Variants in PGBD5 observed in about 807,000 individuals in gnomAD.
The protein encoded by PGBD5 is piggyBac transposable element-derived protein 5.
In PGBD5, 14 loss-of-function variants were observed where a neutral mutation model predicts 47.9. That is an observed-to-expected ratio of 0.29 (90% CI 0.19 to 0.46). The LOEUF is 0.46. PGBD5 is among the 20% of genes least tolerant of loss of function. PGBD5 has a pLI of 1.00. For synonymous variants in PGBD5, 316 were observed against 306.3 expected (o/e 1.03, Z -0.33); for missense variants, 635 against 716.0 (o/e 0.89, Z 1.29).
At chr1:230,374,789 T>C (rs987958424) in intron 1 of PGBD5, among the ~76,000 whole-genome samples, 3 of 152,196 alleles carry the variant, frequency 2.0e-5, no homozygotes, top group Non-Finnish European at 2.9e-5. Context: ...AGGAAGTTTC[T>C]CTCCCTCCCA....
rs536719177 is a variant in PGBD5, at chr1:230,322,069, G to A, written c.*1356C>T. Reference sequence around the variant, plus strand: ...GGTGGTTACATCAACTGGGTTGAAGGGGGACTGGGTAATCCCAGAAATTCC... The same window carrying A: ...GGTGGTTACATCAACTGGGTTGAAGAGGGACTGGGTAATCCCAGAAATTCC... On this transcript the variant is annotated 3_prime_UTR_variant, in exon 7 of 7. Transcript: ENST00000391860. This position sits in a 1 kb window ranked among gnomAD's most constrained non-coding sequence, Gnocchi z 5.9. 6.0e-4 allele frequency: 92 copies of A among 152,378 alleles called. No homozygotes were observed. The highest frequency in any genetic ancestry group is 2.0e-3 in the African/African-American group (83 of 41,568). 9.4% of individuals were successfully genotyped at this position (152,378 alleles called of 1,614,324 possible).
In PGBD5 at chr1:230,317,210, G is replaced by C. The variant is rs1335010632; in HGVS notation, c.*6215C>G. On this transcript the variant is annotated 3_prime_UTR_variant, in exon 7 of 7. Transcript: ENST00000391860. The stretch of plus-strand genomic sequence containing the variant: ...ACCCTCAAGGGCACAGACCACGTTG[G>C]GGTAACACGTGCCCAGTTCTTAGCA... The C allele has an allele frequency of 6.6e-6, 1 of 152,232 alleles. No homozygotes were observed. Among genetic ancestry groups the C allele is most frequent in the Non-Finnish European group, 1.5e-5 (1 of 68,058 alleles). 9.4% of individuals were successfully genotyped at this position (152,232 alleles called of 1,614,324 possible).
chr1:230,325,023 C>T (rs1214032164), intron 6 of PGBD5, among the ~76,000 whole-genome samples: 2 of 152,128 alleles, frequency 1.3e-5, no homozygotes, highest in Non-Finnish European at 1.5e-5. Context: ...TGCTGAGGGA[C>T]AGTTCAGTTC....
At chr1:230,411,352 G>T (rs1657404347) in intron 1 of PGBD5, among the ~76,000 whole-genome samples, 1 of 152,080 alleles carries the variant, frequency 6.6e-6, no homozygotes, top group Admixed American at 6.5e-5. Flanking sequence ...TTGAGAGCAG[G>T]TATAAAAAAG....
chr1:230,323,312 C>T lies in PGBD5; in HGVS notation c.*113G>A. 1 of 1,282,840 alleles carries T rather than the reference C, an allele frequency of 7.8e-7. No individual in the cohort carries two copies. The highest frequency in any genetic ancestry group is 1.1e-6 in the Non-Finnish European group (1 of 936,314). 79.5% of individuals were successfully genotyped at this position (1,282,840 alleles called of 1,614,324 possible). ...CCTCCAGAGGCCCTGTGCATCCCTC[C>T]CAGGCAGCAAGCCACACACCAGGCC... On this transcript the variant is annotated 3_prime_UTR_variant, in exon 7 of 7. Coordinates refer to ENST00000391860, the MANE Select transcript of PGBD5 (RefSeq NM_001258311.2). The surrounding 1 kb of genome is among the most constrained non-coding windows in gnomAD (Gnocchi z 4.1).
intron 3 of PGBD5, among the ~76,000 whole-genome samples, chr1:230,339,072 C>A (rs550268632): frequency 2.0e-5 from 3 of 152,222 alleles, no homozygotes; most frequent in Non-Finnish European, 4.4e-5. Context: ...GGGCAGGAAG[C>A]CTGTATCTTT....
chr1:230,382,810 T>A (rs1656540821), intron 1 of PGBD5, among the ~76,000 whole-genome samples: 1 of 151,978 alleles, frequency 6.6e-6, no homozygotes, highest in African/African-American at 2.4e-5. Flanking sequence ...TTATATACTG[T>A]CTTGAGGTTA....
chr1:230,396,037 C>T (rs1160110976), intron 1 of PGBD5, among the ~76,000 whole-genome samples: 3 of 144,768 alleles, frequency 2.1e-5, no homozygotes, highest in African/African-American at 7.9e-5. Flanking sequence ...TCCCTTGCTT[C>T]CGTCTTCCCT....
intron 1 of PGBD5, among the ~76,000 whole-genome samples, chr1:230,369,670 G>C (rs1277863282): frequency 6.6e-6 from 1 of 152,050 alleles, no homozygotes; most frequent in African/African-American, 2.4e-5. Flanking sequence ...ATATATCTGG[G>C]GTCAGAGGCA....
rs1261613730 is a variant in PGBD5 at position 230,318,198 on chromosome 1, TTA to T, written c.*5225_*5226del. Reference sequence around the variant, plus strand: ...GGCATGCTTACTCTCTGGTGCTATTTTATGGCAACAGCTCTAAGTGCCACTTT... The same window carrying T: ...GGCATGCTTACTCTCTGGTGCTATTTTGGCAACAGCTCTAAGTGCCACTTT... On this transcript the variant is annotated 3_prime_UTR_variant, in exon 7 of 7. Coordinates refer to ENST00000391860, the MANE Select transcript of PGBD5 (RefSeq NM_001258311.2). 6.6e-6 allele frequency: 1 copy of T among 152,268 alleles called. No homozygotes were observed. Among genetic ancestry groups the T allele is most frequent in the Non-Finnish European group, 1.5e-5 (1 of 68,076 alleles). The allele number at this position is 152,268 out of a possible 1,614,324, so 9.4% of individuals were successfully genotyped here. A position where few individuals can be genotyped will look rare whatever the true frequency, so the allele number is the denominator to read the frequency against.
chr1:230,389,651 G>C (rs540085102), intron 1 of PGBD5, among the ~76,000 whole-genome samples: 1 of 152,270 alleles, frequency 6.6e-6, no homozygotes, highest in South Asian at 2.1e-4. Flanking sequence ...AGTACCCAGA[G>C]AATACAGTTG....
chr1:230,368,182 TG>T (rs1222622663), intron 1 of PGBD5: 1 of 1,352,112 alleles, frequency 7.4e-7, no homozygotes, highest in South Asian at 1.2e-5. Flanking sequence ...AGAGAAGGCT[TG>T]GGGAGATGGA....
chr1:230,393,710 A>G (rs1393777099), intron 1 of PGBD5, among the ~76,000 whole-genome samples: 1 of 151,774 alleles, frequency 6.6e-6, no homozygotes, highest in African/African-American at 2.4e-5. Flanking sequence ...CTGTAGTCCC[A>G]GCTACTCGGG....
rs1405270456 is a variant in PGBD5 at position 230,391,154 on chromosome 1, T to TG, written c.332-33834dup. Among the ~76,000 whole-genome samples, 5 of 89,852 alleles carry TG rather than the reference T, an allele frequency of 5.6e-5. No individual in the cohort carries two copies. In the South Asian group the frequency reaches 1.9e-3, roughly 34 times the overall value. The allele number at this position is 89,852 out of a possible 152,430, so 58.9% of individuals were successfully genotyped here. ...CGAGGCAGGACAGTTTGCCTGAGTG[T>TG]GGGGGGTGGGGCGGGAGGGAGCTGC... On this transcript the variant is annotated intron_variant, in intron 1 of 6. Transcript: ENST00000391860.
rs1156849300 is a variant in PGBD5 at position 230,397,144 on chromosome 1, C to T, written c.331+28454G>A. 7.9e-5 allele frequency among the ~76,000 whole-genome samples: 12 copies of T among 152,322 alleles called. 1 individual carries two copies. In the South Asian group the frequency reaches 2.3e-3, roughly 29 times the overall value. ...AGGCCTCCCATTGCCCACCCGCACA[C>T]GCGCCTGCATGCTCACACCACACCT... On this transcript the variant is annotated intron_variant, in intron 1 of 6. Transcript: ENST00000391860.
chr1:230,352,513 T>A (rs903065178), intron 2 of PGBD5, among the ~76,000 whole-genome samples: 12 of 152,072 alleles, frequency 7.9e-5, no homozygotes, highest in African/African-American at 2.9e-4. Context: ...TGAATGCAAA[T>A]TGAATGCAAG....
rs564237443 is a variant in PGBD5 at position 230,357,296 on chromosome 1, G to A, written c.357C>T (p.Ser119=). The part of the protein sequence containing the change: ...TGGPTRKMPP[S]ASAVDFFQLF... Reference sequence around the variant, plus strand: ...GCTGGAAGAAGTCCACGGCACTGGCGCTGGGGGGCATCTTTCGGGTGGGAC... The same window carrying A: ...GCTGGAAGAAGTCCACGGCACTGGCACTGGGGGGCATCTTTCGGGTGGGAC... Residue 119 remains serine (S), a synonymous_variant, in exon 2 of 7, where the codon AGC becomes AGT. Coordinates refer to ENST00000391860, the MANE Select transcript of PGBD5 (RefSeq NM_001258311.2). This position sits in a 1 kb window ranked among gnomAD's most constrained non-coding sequence, Gnocchi z 5.7. The A allele has an allele frequency of 1.0e-4, 162 of 1,613,644 alleles. 1 individual carries two copies. In the South Asian group the frequency reaches 1.6e-3, roughly 16 times the overall value.
In PGBD5 at chr1:230,351,046, G is replaced by A. The variant is rs370550080; in HGVS notation, c.806C>T (p.Thr269Met). The change falls in exon 3 of 7, where the codon ACG (threonine) becomes ATG (methionine). Residue 269 changes from threonine to methionine, a missense_variant. Physicochemically the swap from Thr to Met is moderately conservative, Grantham distance 81. Coordinates refer to ENST00000391860, the MANE Select transcript of PGBD5 (RefSeq NM_001258311.2). ...LIDEDPVFIATCTERELRKRK... is the reference protein window; with the variant it reads ...LIDEDPVFIAMCTERELRKRK... ...CTTTCGCAGCTCCCGCTCTGTGCAC[G>A]TGGCAATGAATACAGGATCCTCATC... The A allele has an allele frequency of 3.0e-5, 48 of 1,613,884 alleles. No homozygotes were observed. The highest frequency in any genetic ancestry group is 9.3e-5 in the African/African-American group (7 of 74,922).
intron 3 of PGBD5, 27 bp from the exon 4 acceptor site, chr1:230,337,315 C>G: frequency 1.3e-6 from 2 of 1,576,502 alleles, no homozygotes; most frequent in Non-Finnish European, 1.7e-6. Context: ...CAGAGGTTAG[C>G]GTGCTCACAG....
Sources: allele counts gnomAD v4.1 joint callset (sites outside exome capture counted in the v4.1 genomes callset), GRCh38; gene constraint gnomAD v4.1.1; non-coding constraint Gnocchi (gnomAD v3.1); transcripts MANE v1.5; gene names NCBI Gene and HGNC (gene_info 2026-07-23, HGNC 2026-07-21).